The following SUN1 variants were observed in gnomAD, a reference collection of about 807,000 sequenced individuals.
SUN1 encodes the protein Sad1 and UNC84 domain containing 1.
Under a neutral mutation model 103.2 loss-of-function variants are expected in SUN1, and 61 were observed. The ratio of observed to expected loss-of-function variants is 0.59; its 90% CI spans 0.48 to 0.73. The LOEUF is 0.73. SUN1 is among the 30% of genes least tolerant of loss of function. SUN1 has a pLI of 0.00. For synonymous variants in SUN1, 490 were observed against 425.7 expected, an observed-to-expected ratio of 1.15 and a Z score of -1.86; for missense variants, 1,052 against 1,034.6, an observed-to-expected ratio of 1.02 and a Z score of -0.23.
rs2128613143 is a variant in SUN1, at chr7:873,271, G to C, written c.2298G>C (p.Trp766Cys). The C allele has an allele frequency of 1.2e-6, 2 of 1,614,200 alleles. No individual in the cohort carries two copies. Among genetic ancestry groups the C allele is most frequent in the South Asian group, 1.1e-5 (1 of 91,082 alleles). The part of the protein sequence containing the change: ...QIVELRIFSN[W>C]GHPEYTCLYR... ...TGGAACTTCGGATTTTTTCTAACTG[G>C]GGCCATCCTGAGTATACCTGTCTGT... is the stretch of plus-strand genomic sequence containing the variant. The change falls in exon 19 of 19, where the codon TGG (tryptophan) becomes TGC (cysteine). Residue 766 changes from tryptophan (W) to cysteine (C), a missense_variant. Transcript: ENST00000401592.
intron 1 of SUN1, among the ~76,000 whole-genome samples, chr7:824,313 C>T (rs531620470): frequency 1.0e-3 from 153 of 152,340 alleles, no homozygotes; most frequent in Non-Finnish European, 1.8e-3. Flanking sequence ...CCAGCACGGG[C>T]TCTGCAGGAG....
At chr7:828,240 A>ATGTTTT (rs199556096), upstream of SUN1, among the ~76,000 whole-genome samples, 5 of 149,896 alleles carry the variant, frequency 3.3e-5, no homozygotes, top group Non-Finnish European at 7.4e-5. Flanking sequence ...ATATATATGT[A>ATGTTTT]TGTTTTTGTT....
chr7:866,994 CAATA>C (rs1479636870), intron 16 of SUN1, among the ~76,000 whole-genome samples: 2 of 152,150 alleles, frequency 1.3e-5, no homozygotes, highest in East Asian at 3.9e-4. Context: ...AAGAAAAATC[CAATA>C]ATTACTTGTA....
intron 1 of SUN1, among the ~76,000 whole-genome samples, chr7:823,052 G>A (rs911019263): frequency 2.6e-4 from 39 of 152,270 alleles, no homozygotes; most frequent in African/African-American, 9.4e-4. Flanking sequence ...TTTTTCCGGA[G>A]CGTAGTCAGG....
chr7:874,736 A>C lies in SUN1; in HGVS notation c.*1405A>C, dbSNP rs1300730003. The C allele has an allele frequency of 6.6e-6, 1 of 152,238 alleles. No homozygotes were observed. The highest frequency in any genetic ancestry group is 1.5e-5 in the Non-Finnish European group (1 of 68,042). The allele number at this position is 152,238 out of a possible 1,614,324, so 9.4% of individuals were successfully genotyped here. On this transcript the variant is annotated 3_prime_UTR_variant, in exon 19 of 19. Transcript: ENST00000401592. ...CTGATTTGGGATTTGGGGTGGAAAT[A>C]TTTTGAATATTAATTTATTTTTAAA...
chr7:844,733 G>A (rs1037598868), intron 5 of SUN1, among the ~76,000 whole-genome samples: 50 of 152,292 alleles, frequency 3.3e-4, no homozygotes, highest in African/African-American at 1.0e-3. Flanking sequence ...GCCACTCTGC[G>A]CCAGGCACTG....
upstream of SUN1, chr7:816,297 C>T (rs999837045): frequency 1.4e-4 from 30 of 207,144 alleles, no homozygotes; most frequent in African/African-American, 9.4e-4. Flanking sequence ...CCAGCAGGTG[C>T]AGACCCCTCC....
At chr7:853,950 G>T (rs1180274575) in intron 10 of SUN1, among the ~76,000 whole-genome samples, 2 of 152,084 alleles carry the variant, frequency 1.3e-5, no homozygotes, top group African/African-American at 4.8e-5. Context: ...AGGTCATGGC[G>T]CTCTGTCCCT....
chr7:848,616 G>T, intron 5 of SUN1: 1 of 1,317,016 alleles, frequency 7.6e-7, no homozygotes, highest in Non-Finnish European at 1.0e-6. Context: ...GAATCAAAAG[G>T]TATTTAAATA....
intron 18 of SUN1, 66 bp from the exon 19 acceptor site, chr7:873,149 G>A (rs1196723146): frequency 7.2e-7 from 1 of 1,396,796 alleles, no homozygotes; most frequent in Non-Finnish European, 1.0e-6. Context: ...CATATTTGGG[G>A]AAGTGATTGG....
At chr7:830,360 C>G (rs1796795141), upstream of SUN1, among the ~76,000 whole-genome samples, 2 of 152,224 alleles carry the variant, frequency 1.3e-5, no homozygotes, top group Non-Finnish European at 2.9e-5. Flanking sequence ...GGACATTTCC[C>G]TAGATCCTGG....
chr7:873,202 A>G lies in SUN1; in HGVS notation c.2242-13A>G. The G allele has an allele frequency of 6.2e-7, 1 of 1,613,254 alleles. No homozygotes were observed. On this transcript the variant is annotated splice_polypyrimidine_tract_variant and intron_variant, in intron 18 of 18. Transcript: ENST00000401592. ...TGAAATACATGTGTGTGTTTTTCCCACCTTGATTTCAGAAAAGACCCGACG... is the reference window on the plus strand; with the variant it reads ...TGAAATACATGTGTGTGTTTTTCCCGCCTTGATTTCAGAAAAGACCCGACG...
chr7:854,125 C>G (rs1421652555), intron 10 of SUN1, among the ~76,000 whole-genome samples: 2 of 152,244 alleles, frequency 1.3e-5, no homozygotes, highest in Non-Finnish European at 2.9e-5. Flanking sequence ...AAACAGCCGA[C>G]AGCTGTTCAG....
At chr7:837,126 T>G (rs2128252774) in intron 1 of SUN1, among the ~76,000 whole-genome samples, 1 of 152,286 alleles carries the variant, frequency 6.6e-6, no homozygotes, top group East Asian at 1.9e-4. Context: ...CCAGGCCCCC[T>G]GGGGCAGCAG....
intron 13 of SUN1, among the ~76,000 whole-genome samples, chr7:858,903 C>T (rs920526584): frequency 3.9e-5 from 6 of 152,164 alleles, no homozygotes; most frequent in Admixed American, 6.5e-5. Flanking sequence ...GCCTGTGATT[C>T]CAGCACTCTG....
upstream of SUN1, among the ~76,000 whole-genome samples, chr7:831,226 G>C (rs1797639934): frequency 6.6e-6 from 1 of 152,096 alleles, no homozygotes; most frequent in Non-Finnish European, 1.5e-5. Context: ...GTCTGGGTCG[G>C]ACGCTGGGCT....
intron 8 of SUN1, 29 bp downstream of exon 8, chr7:852,696 G>A (rs778278453): frequency 2.8e-5 from 45 of 1,613,992 alleles, no homozygotes; most frequent in South Asian, 9.9e-5. Flanking sequence ...AGTTGCCTCC[G>A]ATGGCTAAGC....
Position 842,032 on chromosome 7 carries a change from A to G in SUN1, c.353A>G (p.His118Arg), listed in dbSNP as rs1023474662. Residue 118 changes from histidine (H) to arginine (R), a missense_variant, in exon 3 of 19, where the codon CAC becomes CGC. By Grantham distance (29) the His-to-Arg change is conservative. This residue lies in a region of SUN1 where 846 missense variants were observed against 774.5 expected (regional missense o/e 1.09). Coordinates refer to ENST00000401592, the MANE Select transcript of SUN1 (RefSeq NM_001130965.3). ...SRQVTSSGVS[H>R]GGTVSLQDAV... ...CAGGTCACGTCCTCTGGCGTCAGCCACGGCGGCACTGTCAGCCTGCAGGAT... is the reference window on the plus strand; with the variant it reads ...CAGGTCACGTCCTCTGGCGTCAGCCGCGGCGGCACTGTCAGCCTGCAGGAT... The G allele has an allele frequency of 2.5e-6, 4 of 1,614,258 alleles. No homozygotes were observed. The highest frequency in any genetic ancestry group is 2.5e-6 in the Non-Finnish European group (3 of 1,180,050).
At chr7:817,585 C>A in intron 1 of SUN1, 2 of 1,468,514 alleles carry the variant, frequency 1.4e-6, no homozygotes, top group South Asian at 2.5e-5. Flanking sequence ...GGAAGCTGCC[C>A]ATAATTGTGT....
Sources: allele counts gnomAD v4.1 joint callset (sites outside exome capture counted in the v4.1 genomes callset), GRCh38; gene constraint gnomAD v4.1.1; regional missense constraint gnomAD v4.1.1; transcripts MANE v1.5; gene names NCBI Gene and HGNC (gene_info 2026-07-23, HGNC 2026-07-21).